Variants in LHFPL6 observed in about 807,000 individuals in gnomAD.
LHFPL6 encodes the protein LHFPL tetraspan subfamily member 6 protein.
LHFPL6 carries 9 observed loss-of-function variants against 20.6 expected under a neutral mutation model. The ratio of observed to expected loss-of-function variants is 0.44; its 90% CI spans 0.26 to 0.76. The LOEUF (loss-of-function observed/expected upper bound fraction) is 0.76. Ranked by LOEUF, LHFPL6 falls within the 30% of genes least tolerant of loss-of-function variation. The pLI, the probability that LHFPL6 is intolerant of heterozygous loss-of-function variation, is 0.20. For missense variants in LHFPL6, 218 were observed against 253.5 expected (o/e 0.86, Z 0.95); for synonymous variants, 105 against 98.7 (o/e 1.06, Z -0.38).
chr13:39,364,021 A>C (rs1288201946), intron 3 of LHFPL6, among the ~76,000 whole-genome samples: 1 of 152,246 alleles, frequency 6.6e-6, no homozygotes, highest in African/African-American at 2.4e-5. Context: ...ACTCCATTAC[A>C]TAGCTCCATC....
chr13:39,576,526 G>A (rs888922587), intron 2 of LHFPL6, among the ~76,000 whole-genome samples: 1 of 152,160 alleles, frequency 6.6e-6, no homozygotes, highest in African/African-American at 2.4e-5. Context: ...ATAAAAAATG[G>A]GAATTCAAAT....
At chr13:39,433,068 T>C (rs183325226) in intron 2 of LHFPL6, among the ~76,000 whole-genome samples, 7 of 152,326 alleles carry the variant, frequency 4.6e-5, no homozygotes, top group Admixed American at 4.6e-4. Context: ...CTTCTGATGC[T>C]AAAATCAACA....
intron 2 of LHFPL6, among the ~76,000 whole-genome samples, chr13:39,483,004 T>A (rs918716143): frequency 1.1e-4 from 16 of 152,324 alleles, no homozygotes; most frequent in African/African-American, 3.8e-4. Context: ...TCTTCCCAGT[T>A]TTAACAGTGA....
At chr13:39,588,966 T>C (rs896240136) in intron 2 of LHFPL6, among the ~76,000 whole-genome samples, 3 of 152,186 alleles carry the variant, frequency 2.0e-5, no homozygotes, top group African/African-American at 7.2e-5. Flanking sequence ...TACATCAAGA[T>C]ACATGGTGCT....
At chr13:39,384,640 GAAGT>G (rs1870518252) in intron 2 of LHFPL6, among the ~76,000 whole-genome samples, 1 of 152,208 alleles carries the variant, frequency 6.6e-6, no homozygotes, top group African/African-American at 2.4e-5. Flanking sequence ...TCTGGAATTT[GAAGT>G]AATTGCCCAA....
At chr13:39,516,679 C>T (rs1454633559) in intron 2 of LHFPL6, among the ~76,000 whole-genome samples, 2 of 152,204 alleles carry the variant, frequency 1.3e-5, no homozygotes, top group Non-Finnish European at 2.9e-5. Flanking sequence ...TTAACATGCT[C>T]GATAACCTTG....
At chr13:39,423,756 G>A (rs1871556826) in intron 2 of LHFPL6, among the ~76,000 whole-genome samples, 1 of 152,226 alleles carries the variant, frequency 6.6e-6, no homozygotes, top group Admixed American at 6.5e-5. Context: ...CAGAGCAAGT[G>A]AGATAAAGTA....
intron 2 of LHFPL6, 130 bp downstream of exon 2, chr13:39,600,702 G>A (rs953065596): frequency 2.2e-5 from 22 of 986,356 alleles, no homozygotes; most frequent in Admixed American, 3.0e-5. Flanking sequence ...TATCATCAAA[G>A]CCATTCCAAA....
chr13:39,433,466 T>C (rs114632502), intron 2 of LHFPL6, among the ~76,000 whole-genome samples: 1 of 152,190 alleles, frequency 6.6e-6, no homozygotes, highest in Non-Finnish European at 1.5e-5. Flanking sequence ...TGATGATCCA[T>C]CATGTTGAGG....
intron 2 of LHFPL6, among the ~76,000 whole-genome samples, chr13:39,509,788 C>T (rs1328339499): frequency 6.6e-6 from 1 of 151,922 alleles, no homozygotes; most frequent in East Asian, 1.9e-4. Context: ...AGCAAGACCT[C>T]ATCTGTACAA....
chr13:39,592,548 G>T (rs534807702), intron 2 of LHFPL6, among the ~76,000 whole-genome samples: 1,979 of 152,292 alleles, frequency 0.013, 16 homozygotes, highest in Non-Finnish European at 0.021. Context: ...GAGGTACAAG[G>T]AGGAGCTGGT....
chr13:39,397,962 T>C (rs893301396), intron 2 of LHFPL6, among the ~76,000 whole-genome samples: 2 of 152,156 alleles, frequency 1.3e-5, no homozygotes, highest in African/African-American at 4.8e-5. Context: ...ACAGAAGCAG[T>C]AACTCTGCTG....
intron 2 of LHFPL6, among the ~76,000 whole-genome samples, chr13:39,565,257 G>A (rs1233571935): frequency 7.4e-6 from 1 of 134,882 alleles, no homozygotes; most frequent in Non-Finnish European, 1.7e-5. Flanking sequence ...TAGAATGATA[G>A]TGTACCCTTA....
At chr13:39,561,408 C>CT (rs1222141148) in intron 2 of LHFPL6, among the ~76,000 whole-genome samples, 1 of 152,150 alleles carries the variant, frequency 6.6e-6, no homozygotes, top group Non-Finnish European at 1.5e-5. Context: ...GCATTTTGGA[C>CT]TTTGACGAGA....
chr13:39,440,273 A>G (rs1230392513), intron 2 of LHFPL6, among the ~76,000 whole-genome samples: 1 of 152,154 alleles, frequency 6.6e-6, no homozygotes, highest in Non-Finnish European at 1.5e-5. Context: ...AGTCAACTCC[A>G]TAGTTTTACT....
intron 2 of LHFPL6, among the ~76,000 whole-genome samples, chr13:39,455,878 T>C (rs1872558302): frequency 1.3e-5 from 2 of 152,190 alleles, no homozygotes; most frequent in South Asian, 4.1e-4. Context: ...AAATCAGAAA[T>C]TTGATTAAAT....
At chr13:39,569,360 A>AGCAAGCAT (rs1454437254) in intron 2 of LHFPL6, among the ~76,000 whole-genome samples, 2 of 152,236 alleles carry the variant, frequency 1.3e-5, no homozygotes, top group African/African-American at 4.8e-5. Flanking sequence ...CAAGGACTTC[A>AGCAAGCAT]GCAAGCATAA....
At chr13:39,549,512 C>T (rs928082712) in intron 2 of LHFPL6, among the ~76,000 whole-genome samples, 24 of 152,134 alleles carry the variant, frequency 1.6e-4, no homozygotes, top group African/African-American at 5.3e-4. Context: ...AAAAGACAGA[C>T]TATACAAAAT....
chr13:39,344,364 G>C (rs1869333945), intron 3 of LHFPL6, among the ~76,000 whole-genome samples: 2 of 152,150 alleles, frequency 1.3e-5, no homozygotes, highest in Non-Finnish European at 2.9e-5. Context: ...AGATGAAGGA[G>C]TTAATTGTAA....
Sources: allele counts gnomAD v4.1 joint callset (sites outside exome capture counted in the v4.1 genomes callset), GRCh38; gene constraint gnomAD v4.1.1; transcripts MANE v1.5; gene names NCBI Gene and HGNC (gene_info 2026-07-23, HGNC 2026-07-21).